Variants in SLC8A1 observed in about 807,000 individuals in gnomAD.
SLC8A1 encodes the protein sodium/calcium exchanger 1.
In SLC8A1, 18 loss-of-function variants were observed where a neutral mutation model predicts 68.3. The observed-to-expected ratio is 0.26, with a 90% CI of 0.18 to 0.39. SLC8A1 has a LOEUF of 0.39. Ranked by LOEUF, SLC8A1 falls within the 10% of genes least tolerant of loss-of-function variation. SLC8A1 has a pLI of 1.00. For synonymous variants in SLC8A1, 475 were observed against 415.5 expected (o/e 1.14, Z -1.74); for missense variants, 985 against 1,156.7 (o/e 0.85, Z 2.15).
intron 6 of SLC8A1, among the ~76,000 whole-genome samples, chr2:40,152,238 A>G (rs184175615): frequency 1.5e-4 from 23 of 152,332 alleles, no homozygotes; most frequent in Admixed American, 9.8e-4. Flanking sequence ...AATCTTTTGT[A>G]TCACTCTCTT....
intron 2 of SLC8A1, among the ~76,000 whole-genome samples, chr2:40,346,204 G>C (rs1669253330): frequency 6.6e-6 from 1 of 152,028 alleles, no homozygotes; most frequent in Non-Finnish European, 1.5e-5. Context: ...TATATTTAGG[G>C]TTGATTTCTT....
chr2:40,363,149 T>C (rs138263714), intron 2 of SLC8A1, among the ~76,000 whole-genome samples: 2 of 152,196 alleles, frequency 1.3e-5, no homozygotes, highest in African/African-American at 4.8e-5. Context: ...CTACTGAAGG[T>C]TGGTATTAGA....
chr2:40,250,431 C>T (rs1245950498), intron 2 of SLC8A1: 1 of 152,060 alleles, frequency 6.6e-6, no homozygotes, highest in Non-Finnish European at 1.5e-5. Flanking sequence ...AATTAGTGAT[C>T]ATTAGCTGGC....
chr2:40,460,938 G>C (rs947694099), intron 1 of SLC8A1, among the ~76,000 whole-genome samples: 16 of 152,156 alleles, frequency 1.1e-4, no homozygotes, highest in African/African-American at 3.1e-4. Flanking sequence ...AATCTTGACA[G>C]TGTGTCTGAG....
chr2:40,153,458 A>C (rs1238731520), intron 6 of SLC8A1, among the ~76,000 whole-genome samples: 1 of 152,182 alleles, frequency 6.6e-6, no homozygotes, highest in African/African-American at 2.4e-5. Flanking sequence ...TGTTATATGT[A>C]CTCTGTATCA....
intron 2 of SLC8A1, among the ~76,000 whole-genome samples, chr2:40,383,519 G>A (rs1487460191): frequency 6.6e-6 from 1 of 152,074 alleles, no homozygotes; most frequent in Non-Finnish European, 1.5e-5. Context: ...TGACAGACCT[G>A]TGTTAAATAA....
intron 2 of SLC8A1, among the ~76,000 whole-genome samples, chr2:40,306,208 G>A (rs893447615): frequency 6.6e-5 from 10 of 152,232 alleles, no homozygotes; most frequent in Admixed American, 1.3e-4. Flanking sequence ...AAATGGAAAG[G>A]AGATGAGGAA....
At chr2:40,108,806 C>G (rs1407127431) in exon 8 of SLC8A1, 1 of 152,208 alleles carries the variant, frequency 6.6e-6, no homozygotes, top group East Asian at 1.9e-4. Context: ...ATGGGAAATA[C>G]AGTCAAGTAT....
At chr2:40,382,634 C>A (rs1682233078) in intron 2 of SLC8A1, among the ~76,000 whole-genome samples, 1 of 149,066 alleles carries the variant, frequency 6.7e-6, no homozygotes, top group Non-Finnish European at 1.5e-5. Context: ...TATGTATGAA[C>A]TCTGCAATTA....
chr2:40,502,494 A>G (rs1482295336), intron 1 of SLC8A1, among the ~76,000 whole-genome samples: 1 of 152,112 alleles, frequency 6.6e-6, no homozygotes, highest in African/African-American at 2.4e-5. Flanking sequence ...GTGACTAATA[A>G]TAACTAATAT....
chr2:40,352,197 A>G (rs1163891012), intron 2 of SLC8A1, among the ~76,000 whole-genome samples: 2 of 152,174 alleles, frequency 1.3e-5, no homozygotes, highest in East Asian at 1.9e-4. Context: ...TTGTATTGCA[A>G]TTTTGAGCCA....
At chr2:40,325,202 G>T (rs1452376469) in intron 2 of SLC8A1, among the ~76,000 whole-genome samples, 2 of 152,040 alleles carry the variant, frequency 1.3e-5, no homozygotes, top group Non-Finnish European at 2.9e-5. Context: ...AGTTTTCCTT[G>T]TGAGGCTTCA....
chr2:40,126,602 T>A (rs2038148948), intron 7 of SLC8A1, among the ~76,000 whole-genome samples: 1 of 152,106 alleles, frequency 6.6e-6, no homozygotes. Flanking sequence ...GGACTAGACC[T>A]GCCTGAGTAA....
intron 6 of SLC8A1, among the ~76,000 whole-genome samples, chr2:40,158,477 C>T (rs750230495): frequency 1.3e-5 from 2 of 152,132 alleles, no homozygotes; most frequent in African/African-American, 2.4e-5. Context: ...TATTTCCAAG[C>T]GGTCATTTAG....
At chr2:40,477,229 T>A (rs1352715485) in intron 1 of SLC8A1, among the ~76,000 whole-genome samples, 1 of 151,020 alleles carries the variant, frequency 6.6e-6, no homozygotes, top group Non-Finnish European at 1.5e-5. Context: ...TGAACTACCA[T>A]GGTATCTGAT....
At chr2:40,445,654 G>A (rs1228775022) in intron 1 of SLC8A1, among the ~76,000 whole-genome samples, 1 of 152,140 alleles carries the variant, frequency 6.6e-6, no homozygotes, top group East Asian at 1.9e-4. Context: ...AGCAACAGAA[G>A]GACTGATAAA....
intron 2 of SLC8A1, among the ~76,000 whole-genome samples, chr2:40,254,232 T>G (rs943248301): frequency 6.0e-4 from 91 of 152,166 alleles, no homozygotes; most frequent in African/African-American, 2.1e-3. Flanking sequence ...ATTGATAAAT[T>G]AAAAATAGAA....
intron 7 of SLC8A1, among the ~76,000 whole-genome samples, chr2:40,128,854 T>C (rs1176295223): frequency 6.6e-6 from 1 of 152,242 alleles, no homozygotes; most frequent in African/African-American, 2.4e-5. Flanking sequence ...ACAGAATCCA[T>C]GGTAAATTCT....
intron 2 of SLC8A1, among the ~76,000 whole-genome samples, chr2:40,367,373 C>G (rs56984637): frequency 6.6e-6 from 1 of 152,048 alleles, no homozygotes. Flanking sequence ...CTATAATATT[C>G]TAACACTTCG....
Sources: gnomAD v4.1 joint callset for allele counts (sites outside exome capture counted in the v4.1 genomes callset) on GRCh38, gnomAD v4.1.1 for gene constraint, MANE v1.5 for transcripts, NCBI Gene and HGNC (gene_info 2026-07-23, HGNC 2026-07-21) for gene names.